FAM13A: variants seen among roughly 807,000 people sequenced by gnomAD.
The protein encoded by FAM13A is protein FAM13A.
Under a neutral mutation model 129.6 loss-of-function variants are expected in FAM13A, and 76 were observed. The observed-to-expected ratio is 0.59, with a 90% CI of 0.49 to 0.71. The LOEUF (loss-of-function observed/expected upper bound fraction) is 0.71, where lower values mean the gene tolerates loss of function less well. Ranked by LOEUF, FAM13A falls within the 30% of genes least tolerant of loss-of-function variation. The probability of loss-of-function intolerance (pLI) is 0.00; values close to 1 mark genes in which losing one functional copy is unlikely to be tolerated. For synonymous variants in FAM13A, 443 were observed against 449.9 expected, an observed-to-expected ratio of 0.98 and a Z score of 0.20; for missense variants, 1,108 against 1,249.3, an observed-to-expected ratio of 0.89 and a Z score of 1.70.
chr4:88,781,854 C>CTG (rs1722961003), intron 10 of FAM13A, among the ~76,000 whole-genome samples: 1 of 146,592 alleles, frequency 6.8e-6, no homozygotes, highest in East Asian at 2.0e-4. Flanking sequence ...GTGGGGGGAG[C>CTG]GGGGAGGGAT....
At chr4:89,039,144 GA>G (rs1288462266) in intron 1 of FAM13A, among the ~76,000 whole-genome samples, 1 of 152,034 alleles carries the variant, frequency 6.6e-6, no homozygotes, top group African/African-American at 2.4e-5. Context: ...AAAGCTAGAA[GA>G]AAAAGTTAAA....
At chr4:88,786,530 A>T (rs1723997643) in intron 10 of FAM13A, among the ~76,000 whole-genome samples, 1 of 152,226 alleles carries the variant, frequency 6.6e-6, no homozygotes, top group Non-Finnish European at 1.5e-5. Context: ...CAGGAGAAGA[A>T]ATGTAAATAT....
chr4:88,934,524 A>G (rs898818990), intron 5 of FAM13A, among the ~76,000 whole-genome samples: 1 of 152,202 alleles, frequency 6.6e-6, no homozygotes, highest in African/African-American at 2.4e-5. Context: ...GGGCTTCACT[A>G]GTGTCTGGAT....
Position 88,768,068 on chromosome 4 carries a change from G to T in FAM13A, c.1459-9C>A. On this transcript the variant is annotated splice_polypyrimidine_tract_variant and intron_variant, in intron 11 of 23. Transcript: ENST00000264344. The stretch of plus-strand genomic sequence containing the variant: ...TTGAGACTTTCCATATTCTGTAACA[G>T]AACCATTATTGGTTGCCTAATAGGA... The T allele has an allele frequency of 2.6e-6, 4 of 1,562,518 alleles. No homozygotes were observed. The highest frequency in any genetic ancestry group is 3.5e-6 in the Non-Finnish European group (4 of 1,134,402).
chr4:88,910,662 T>TG (rs1405797700), intron 5 of FAM13A, among the ~76,000 whole-genome samples: 1 of 151,896 alleles, frequency 6.6e-6, no homozygotes, highest in East Asian at 1.9e-4. Flanking sequence ...TTCTTTTTTT[T>TG]TTTTTTGAGA....
At chr4:88,831,060 A>G (rs943937908) in intron 7 of FAM13A, among the ~76,000 whole-genome samples, 25 of 152,124 alleles carry the variant, frequency 1.6e-4, no homozygotes, top group Non-Finnish European at 7.4e-5. Flanking sequence ...TTAAAAATAA[A>G]ATTTTCGAGA....
chr4:88,916,527 G>C (rs1025906491), intron 5 of FAM13A, among the ~76,000 whole-genome samples: 2 of 152,164 alleles, frequency 1.3e-5, no homozygotes, highest in Non-Finnish European at 2.9e-5. Flanking sequence ...AACCCACCAT[G>C]CTTTCTCATT....
chr4:88,913,081 G>A (rs914542186), intron 5 of FAM13A, among the ~76,000 whole-genome samples: 17 of 147,886 alleles, frequency 1.1e-4, no homozygotes, highest in African/African-American at 3.5e-4. Context: ...AAGAGGAGGA[G>A]GAAGAAGAAG....
At chr4:88,803,134 C>T (rs1056284837) in intron 8 of FAM13A, among the ~76,000 whole-genome samples, 3 of 152,134 alleles carry the variant, frequency 2.0e-5, no homozygotes, top group African/African-American at 7.2e-5. Context: ...TCTCAGCAGA[C>T]GTGTCTTATG....
At chr4:88,907,960 A>G (rs548921506) in intron 5 of FAM13A, among the ~76,000 whole-genome samples, 172 of 152,358 alleles carry the variant, frequency 1.1e-3, no homozygotes, top group Non-Finnish European at 2.1e-3. Context: ...TGTCTGGACC[A>G]CAAAGTAGTA....
At chr4:88,893,587 C>G (rs966506115) in intron 6 of FAM13A, among the ~76,000 whole-genome samples, 2 of 148,654 alleles carry the variant, frequency 1.3e-5, no homozygotes, top group Non-Finnish European at 3.0e-5. Context: ...TGTGCCACTG[C>G]ACTCCAGCCT....
intron 8 of FAM13A, among the ~76,000 whole-genome samples, chr4:88,802,876 G>A (rs913720433): frequency 2.0e-5 from 3 of 152,086 alleles, no homozygotes; most frequent in Non-Finnish European, 4.4e-5. Flanking sequence ...GGGCCGCTAT[G>A]GGTCATCTAC....
intron 6 of FAM13A, among the ~76,000 whole-genome samples, chr4:88,867,098 G>T (rs1740592571): frequency 6.6e-6 from 1 of 152,114 alleles, no homozygotes; most frequent in Admixed American, 6.5e-5. Flanking sequence ...GGAAATACAG[G>T]TTCCTGTGAG....
intron 4 of FAM13A, among the ~76,000 whole-genome samples, chr4:88,966,289 T>A (rs1391090707): frequency 6.6e-6 from 1 of 152,194 alleles, no homozygotes; most frequent in Non-Finnish European, 1.5e-5. Flanking sequence ...CTCCCTCCTT[T>A]TCCCAGAGTA....
chr4:88,877,602 A>G (rs1742767026), intron 6 of FAM13A, among the ~76,000 whole-genome samples: 1 of 152,224 alleles, frequency 6.6e-6, no homozygotes, highest in Non-Finnish European at 1.5e-5. Flanking sequence ...TGCTAAGAGT[A>G]ATTAATAGTG....
chr4:88,998,300 A>C (rs1451537720), intron 3 of FAM13A, among the ~76,000 whole-genome samples: 1 of 152,216 alleles, frequency 6.6e-6, no homozygotes, highest in Non-Finnish European at 1.5e-5. Flanking sequence ...TTTGGAGATG[A>C]CTAGACTGAA....
At chr4:88,941,188 T>A (rs1258538861) in intron 4 of FAM13A, among the ~76,000 whole-genome samples, 1 of 152,074 alleles carries the variant, frequency 6.6e-6, no homozygotes, top group Non-Finnish European at 1.5e-5. Context: ...CATCACCAAA[T>A]CAAAACTAAG....
chr4:88,864,689 G>A (rs1298410798), intron 6 of FAM13A, among the ~76,000 whole-genome samples: 3 of 152,194 alleles, frequency 2.0e-5, no homozygotes, highest in African/African-American at 7.2e-5. Context: ...TTACAGGCAT[G>A]AGCCACCATG....
chr4:88,997,212 G>A (rs1763662663), intron 3 of FAM13A, among the ~76,000 whole-genome samples: 1 of 152,180 alleles, frequency 6.6e-6, no homozygotes, highest in African/African-American at 2.4e-5. Context: ...AGGATCATAT[G>A]TTATAATTCG....
Sources: allele counts gnomAD v4.1 joint callset (sites outside exome capture counted in the v4.1 genomes callset), GRCh38; gene constraint gnomAD v4.1.1; transcripts MANE v1.5; gene names NCBI Gene and HGNC (gene_info 2026-07-23, HGNC 2026-07-21).